The following COL19A1 variants were observed in gnomAD, a reference collection of about 807,000 sequenced individuals.
COL19A1 encodes the protein collagen type XIX alpha 1 chain.
A neutral mutation model predicts 190.2 loss-of-function variants in COL19A1; 159 were observed. The observed-to-expected ratio is 0.84, with a 90% confidence interval of 0.73 to 0.95. The LOEUF (loss-of-function observed/expected upper bound fraction) is 0.95. Among genes scored for constraint, COL19A1 ranks in the 40% least tolerant of loss-of-function variants. COL19A1 has a pLI of 0.00. For synonymous variants in COL19A1, 509 were observed against 458.9 expected (o/e 1.11, Z -1.39); for missense variants, 1,418 against 1,431.9 (o/e 0.99, Z 0.16).
At chr6:69,886,980 C>T (rs1297158538) in intron 2 of COL19A1, among the ~76,000 whole-genome samples, 2 of 151,868 alleles carry the variant, frequency 1.3e-5, no homozygotes, top group East Asian at 1.9e-4. Flanking sequence ...CCACAAAGCA[C>T]GTATGCTAAA....
chr6:70,180,208 A>C (rs1158973987), intron 42 of COL19A1, 104 bp from the exon 43 acceptor site: 15 of 1,295,390 alleles, frequency 1.2e-5, no homozygotes, highest in Non-Finnish European at 1.5e-5. Flanking sequence ...GGAGAGCATC[A>C]CCCTTGGGAG....
At chr6:70,022,390 T>C (rs960765057) in intron 11 of COL19A1, among the ~76,000 whole-genome samples, 2 of 152,092 alleles carry the variant, frequency 1.3e-5, no homozygotes, top group African/African-American at 4.8e-5. Context: ...AGGAAAAAAA[T>C]CATCTGTAAT....
intron 6 of COL19A1, among the ~76,000 whole-genome samples, chr6:69,932,509 C>G (rs995302787): frequency 6.6e-6 from 1 of 151,720 alleles, no homozygotes; most frequent in Admixed American, 6.6e-5. Context: ...TTAAGTACTT[C>G]TATTTTATTG....
At chr6:70,186,798 C>A (rs1270272902) in intron 46 of COL19A1, among the ~76,000 whole-genome samples, 1 of 152,120 alleles carries the variant, frequency 6.6e-6, no homozygotes, top group Non-Finnish European at 1.5e-5. Flanking sequence ...ATCAAGCAAA[C>A]TTCATATCAC....
chr6:69,960,074 G>T, intron 10 of COL19A1, 34 bp downstream of exon 10: 1 of 1,579,810 alleles, frequency 6.3e-7, no homozygotes. Context: ...TCTGAGTTAA[G>T]AATTTTAACG....
At chr6:70,032,897 T>C (rs1779149706) in intron 12 of COL19A1, among the ~76,000 whole-genome samples, 1 of 152,176 alleles carries the variant, frequency 6.6e-6, no homozygotes, top group African/African-American at 2.4e-5. Flanking sequence ...CAATATTCTG[T>C]TTCCAAGTTC....
At chr6:70,198,267 T>C (rs868013704) in intron 48 of COL19A1, among the ~76,000 whole-genome samples, 6 of 152,180 alleles carry the variant, frequency 3.9e-5, no homozygotes, top group East Asian at 1.9e-4. Flanking sequence ...ACTAATTTCC[T>C]CAGTAAAAAA....
chr6:70,066,943 C>T (rs1056285358), intron 14 of COL19A1, among the ~76,000 whole-genome samples: 4 of 152,006 alleles, frequency 2.6e-5, no homozygotes, highest in African/African-American at 9.7e-5. Flanking sequence ...TATCCAAAAA[C>T]TTTTATTGGA....
chr6:70,010,241 GA>G (rs1171888165), intron 11 of COL19A1, among the ~76,000 whole-genome samples: 1 of 152,130 alleles, frequency 6.6e-6, no homozygotes, highest in African/African-American at 2.4e-5. Flanking sequence ...AAATGAGTAT[GA>G]TTGTAATAGC....
chr6:70,020,467 G>A (rs1778355611), intron 11 of COL19A1, among the ~76,000 whole-genome samples: 2 of 151,588 alleles, frequency 1.3e-5, no homozygotes, highest in African/African-American at 4.8e-5. Flanking sequence ...TTTTTAAGTT[G>A]GTTTTCTAAT....
chr6:70,152,479 T>C (rs1787126699), intron 31 of COL19A1, among the ~76,000 whole-genome samples: 1 of 152,118 alleles, frequency 6.6e-6, no homozygotes, highest in Admixed American at 6.6e-5. Flanking sequence ...AAGGAGTTTC[T>C]AAGACCTCCA....
At chr6:70,135,901 T>C (rs1340628038) in intron 18 of COL19A1, among the ~76,000 whole-genome samples, 1 of 152,148 alleles carries the variant, frequency 6.6e-6, no homozygotes, top group African/African-American at 2.4e-5. Flanking sequence ...GTCTTCTTGG[T>C]TCCACCCAGG....
At chr6:70,090,022 T>C (rs778453545) in intron 15 of COL19A1, among the ~76,000 whole-genome samples, 12 of 151,970 alleles carry the variant, frequency 7.9e-5, no homozygotes, top group Admixed American at 7.2e-4. Flanking sequence ...TACAAAAAAA[T>C]TAACAATTTG....
Position 70,190,692 on chromosome 6 carries a change from T to C in COL19A1, c.3094+311T>C, listed in dbSNP as rs1766809937. ...TCATACTCCTCCTTAGTTTTCTCTT[T>C]TATGGAGTAAATGTGTCTAGCTCCT... On this transcript the variant is annotated intron_variant, in intron 48 of 50. Coordinates refer to ENST00000620364, the MANE Select transcript of COL19A1 (RefSeq NM_001858.6). Among the ~76,000 whole-genome samples the C allele has an allele frequency of 2.0e-5, 3 of 152,200 alleles. No homozygotes were observed. In the South Asian group the frequency reaches 6.2e-4, roughly 32 times the overall value.
chr6:70,137,848 T>A, intron 19 of COL19A1, 101 bp downstream of exon 19: 3 of 1,091,570 alleles, frequency 2.7e-6, no homozygotes, highest in Non-Finnish European at 4.1e-6. Context: ...TGGTTGATCC[T>A]GTCATGGGAA....
intron 14 of COL19A1, among the ~76,000 whole-genome samples, chr6:70,066,935 T>C (rs570939593): frequency 3.0e-4 from 46 of 152,254 alleles, no homozygotes; most frequent in Non-Finnish European, 5.4e-4. Context: ...ACTGCCTTTA[T>C]CCAAAAACTT....
chr6:70,207,526 A>T lies in COL19A1; in HGVS notation c.*252A>T. 3.8e-6 allele frequency: 1 copy of T among 264,146 alleles called. No homozygotes were observed. The highest frequency in any genetic ancestry group is 7.1e-6 in the Non-Finnish European group (1 of 140,952). The allele number at this position is 264,146 out of a possible 1,614,324, so 16.4% of individuals were successfully genotyped here. A position where few individuals can be genotyped will look rare whatever the true frequency, so the allele number is the denominator to read the frequency against. ...CTATGATTTTTACTCAGAGTTTTAT[A>T]TGAAATATGCAAGTAAATCTTATCG... On this transcript the variant is annotated 3_prime_UTR_variant, in exon 51 of 51. Transcript: ENST00000620364.
intron 15 of COL19A1, among the ~76,000 whole-genome samples, chr6:70,091,354 T>C (rs1782914989): frequency 6.6e-6 from 1 of 152,180 alleles, no homozygotes. Flanking sequence ...ATTTGGCATC[T>C]ATTACTATTA....
chr6:69,936,387 A>G (rs1207419114), intron 7 of COL19A1, among the ~76,000 whole-genome samples: 1 of 152,136 alleles, frequency 6.6e-6, no homozygotes, highest in Non-Finnish European at 1.5e-5. Context: ...ACCATATTTT[A>G]TAGGTTCAAA....
Sources: allele counts gnomAD v4.1 joint callset (sites outside exome capture counted in the v4.1 genomes callset), GRCh38; gene constraint gnomAD v4.1.1; transcripts MANE v1.5; gene names NCBI Gene and HGNC (gene_info 2026-07-23, HGNC 2026-07-21).